The following PAH variants were observed in gnomAD, a reference collection of about 807,000 sequenced individuals.
The protein encoded by PAH is phenylalanine hydroxylase.
Under a neutral mutation model 62.0 loss-of-function variants are expected in PAH, and 64 were observed. That is an observed-to-expected ratio of 1.03 (90% CI 0.84 to 1.27). The LOEUF (loss-of-function observed/expected upper bound fraction) is 1.27, where lower values mean the gene tolerates loss of function less well. Ranked by LOEUF, PAH falls within the 50% of genes most tolerant of loss-of-function variation. The probability of loss-of-function intolerance (pLI) is 0.00; values close to 1 mark genes in which losing one functional copy is unlikely to be tolerated. For synonymous variants in PAH, 195 were observed against 196.2 expected (o/e 0.99, Z 0.05); for missense variants, 579 against 542.8 (o/e 1.07, Z -0.66).
intron 9 of PAH, 106 bp from the exon 10 acceptor site, chr12:102,844,537 G>T: frequency 1.3e-6 from 1 of 782,298 alleles, no homozygotes; most frequent in East Asian, 2.9e-5. Flanking sequence ...CATTATTTTG[G>T]GGTGTGTCTA....
intron 1 of PAH, among the ~76,000 whole-genome samples, chr12:102,949,778 T>C (rs942889729): frequency 1.3e-5 from 2 of 152,126 alleles, no homozygotes; most frequent in Non-Finnish European, 2.9e-5. Context: ...GGGTGGGAGA[T>C]GCAGGAAGGT....
rs567949081 is a variant in PAH, at chr12:102,942,595, C to T, written c.-96+7994G>A. On this transcript the variant is annotated intron_variant, in intron 1 of 3. Coordinates refer to the PAH transcript ENST00000546844. ...AAATTCATATGAAACCAAAAAAGAACCTAGGTATTCAAAACAATCCTAAGC... is the reference window on the plus strand; with the variant it reads ...AAATTCATATGAAACCAAAAAAGAATCTAGGTATTCAAAACAATCCTAAGC... Among the ~76,000 whole-genome samples, 9 of 151,996 alleles carry T rather than the reference C, an allele frequency of 5.9e-5. No individual in the cohort carries two copies. In the East Asian group the frequency reaches 1.5e-3, roughly 26 times the overall value.
At chr12:102,918,263 A>G (rs924420908), upstream of PAH, among the ~76,000 whole-genome samples, 1 of 152,164 alleles carries the variant, frequency 6.6e-6, no homozygotes, top group Non-Finnish European at 1.5e-5. Context: ...ACAAAGTATA[A>G]AAGAATGCTG....
At chr12:102,925,203 G>A (rs566959689) in intron 1 of PAH, among the ~76,000 whole-genome samples, 2 of 152,296 alleles carry the variant, frequency 1.3e-5, no homozygotes, top group East Asian at 1.9e-4. Flanking sequence ...AGTGTCCATA[G>A]AGGAGGCACA....
chr12:102,846,962 G>A lies in PAH; in HGVS notation c.913-11C>T, dbSNP rs761064363. ...GGCAAGGCCAATTTCCTGTAATTGG[G>A]GGAAAATAGAACCTGTTCTGTTCCT... On this transcript the variant is annotated splice_polypyrimidine_tract_variant and intron_variant, in intron 8 of 12. Coordinates refer to ENST00000553106, the MANE Select transcript of PAH (RefSeq NM_000277.3). 1 of 1,611,266 alleles carries A rather than the reference G, an allele frequency of 6.2e-7. No homozygotes were observed. The highest frequency in any genetic ancestry group is 1.1e-5 in the South Asian group (1 of 91,008).
chr12:102,926,491 A>G (rs184165389), intron 1 of PAH, among the ~76,000 whole-genome samples: 254 of 152,066 alleles, frequency 1.7e-3, no homozygotes, highest in Non-Finnish European at 2.8e-3. Flanking sequence ...AATTCATGTA[A>G]CTGGTTCATA....
intron 11 of PAH, among the ~76,000 whole-genome samples, chr12:102,842,256 A>T (rs1874624792): frequency 6.6e-6 from 1 of 152,010 alleles, no homozygotes; most frequent in Non-Finnish European, 1.5e-5. Context: ...TGGGCCTTGG[A>T]GGGAGAGGGG....
At chr12:102,902,502 TG>T (rs1302353003) in intron 2 of PAH, among the ~76,000 whole-genome samples, 1 of 152,062 alleles carries the variant, frequency 6.6e-6, no homozygotes, top group Non-Finnish European at 1.5e-5. Flanking sequence ...GTATTTGGGG[TG>T]AGATACGGTA....
At chr12:102,895,777 C>T (rs902973812) in intron 2 of PAH, among the ~76,000 whole-genome samples, 3 of 150,354 alleles carry the variant, frequency 2.0e-5, no homozygotes, top group African/African-American at 7.4e-5. Context: ...ATTGCTTGAA[C>T]CACGGAGGTG....
rs187297119 is a variant in PAH, at chr12:102,896,990, C to A, written c.169-2072G>T. ...GTGGTCATAAATTCTTTAACCAATACCCTAGTGATGGGTATGTTGCTTCTT... is the reference window on the plus strand; with the variant it reads ...GTGGTCATAAATTCTTTAACCAATAACCTAGTGATGGGTATGTTGCTTCTT... On this transcript the variant is annotated intron_variant, in intron 2 of 12. Transcript: ENST00000553106. 2.6e-5 allele frequency among the ~76,000 whole-genome samples: 4 copies of A among 152,260 alleles called. No individual in the cohort carries two copies. The South Asian group carries it at 6.2e-4, about 24-fold the overall frequency.
intron 1 of PAH, among the ~76,000 whole-genome samples, chr12:102,916,336 A>C (rs866067712): frequency 5.9e-5 from 9 of 152,300 alleles, no homozygotes; most frequent in South Asian, 2.1e-4. Flanking sequence ...TTTATGACTG[A>C]ATCTCAAGAG....
At chr12:102,880,484 C>T (rs976380145) in intron 3 of PAH, among the ~76,000 whole-genome samples, 1 of 152,146 alleles carries the variant, frequency 6.6e-6, no homozygotes, top group Non-Finnish European at 1.5e-5. Context: ...CCCCACACTG[C>T]GGAGGTAGCC....
intron 3 of PAH, among the ~76,000 whole-genome samples, chr12:102,888,538 CA>C (rs1161083671): frequency 6.7e-6 from 1 of 149,160 alleles, no homozygotes; most frequent in African/African-American, 2.5e-5. Flanking sequence ...TGTGACCTGG[CA>C]AACTAGATGG....
chr12:102,843,579 C>A, intron 11 of PAH, 67 bp downstream of exon 11: 1 of 1,573,244 alleles, frequency 6.4e-7, no homozygotes, highest in Non-Finnish European at 8.7e-7. Flanking sequence ...TGGCCAACCA[C>A]CCACAGATGA....
At chr12:102,945,697 G>A (rs1277483601) in intron 1 of PAH, among the ~76,000 whole-genome samples, 3 of 152,150 alleles carry the variant, frequency 2.0e-5, no homozygotes, top group Non-Finnish European at 4.4e-5. Flanking sequence ...CTTCAGAGGA[G>A]TGGGCCCCCT....
At chr12:102,878,888 A>G (rs1024654378) in intron 3 of PAH, among the ~76,000 whole-genome samples, 1 of 152,110 alleles carries the variant, frequency 6.6e-6, no homozygotes, top group Non-Finnish European at 1.5e-5. Context: ...TGGGGCTCTA[A>G]AAGCTTAAAT....
At chr12:102,855,000 A>T (rs903338807) in intron 6 of PAH, 136 bp downstream of exon 6, 3 of 760,836 alleles carry the variant, frequency 3.9e-6, no homozygotes, top group Non-Finnish European at 2.3e-6. Flanking sequence ...TTCTTCCTGG[A>T]GGAATCAACC....
intron 1 of PAH, among the ~76,000 whole-genome samples, chr12:102,927,274 A>C (rs1035088224): frequency 6.7e-6 from 1 of 148,790 alleles, no homozygotes; most frequent in Non-Finnish European, 1.5e-5. Context: ...CTACATCTTC[A>C]AAAAAGTTTT....
At chr12:102,847,935 A>C (rs1036397007) in intron 8 of PAH, among the ~76,000 whole-genome samples, 2 of 152,250 alleles carry the variant, frequency 1.3e-5, no homozygotes, top group Non-Finnish European at 2.9e-5. Context: ...GGAGGAACCA[A>C]TGTGGCTGGA....
Sources: allele counts gnomAD v4.1 joint callset (sites outside exome capture counted in the v4.1 genomes callset), GRCh38; gene constraint gnomAD v4.1.1; transcripts MANE v1.5; gene names NCBI Gene and HGNC (gene_info 2026-07-23, HGNC 2026-07-21).